The following EIF4H variants were observed in gnomAD, a reference collection of about 807,000 sequenced individuals.
EIF4H encodes eukaryotic translation initiation factor 4H.
In EIF4H, 8 loss-of-function variants were observed where a neutral mutation model predicts 30.6. That is an observed-to-expected ratio of 0.26 (90% CI 0.15 to 0.47). The LOEUF is 0.47. Ranked by LOEUF, EIF4H falls within the 20% of genes least tolerant of loss-of-function variation. The pLI, the probability that EIF4H is intolerant of heterozygous loss-of-function variation, is 0.99. For synonymous variants in EIF4H, 106 were observed against 122.7 expected (o/e 0.86, Z 0.90); for missense variants, 188 against 339.5 (o/e 0.55, Z 3.51).
chr7:74,190,734 G>A (rs1801187585), intron 5 of EIF4H, among the ~76,000 whole-genome samples: 1 of 152,064 alleles, frequency 6.6e-6, no homozygotes, highest in African/African-American at 2.4e-5. Context: ...ATTGTGGGGA[G>A]GTCCAGTCCC....
chr7:74,182,359 ATGTTACC>A (rs1563949348), intron 1 of EIF4H, among the ~76,000 whole-genome samples: 1 of 152,050 alleles, frequency 6.6e-6, no homozygotes, highest in Admixed American at 6.5e-5. Flanking sequence ...AAAAACCCAA[ATGTTACC>A]TGTTTGTAGA....
At chr7:74,190,777 CTT>C (rs1486364489) in intron 5 of EIF4H, among the ~76,000 whole-genome samples, 1 of 152,104 alleles carries the variant, frequency 6.6e-6, no homozygotes, top group Non-Finnish European at 1.5e-5. Context: ...TCGCCGTTCT[CTT>C]TCTTAGCCAA....
At position 74,184,826 on chromosome 7, in the gene EIF4H, G is replaced by A. The variant is rs1411732033; in HGVS notation, c.60-2785G>A. Among the ~76,000 whole-genome samples the A allele has an allele frequency of 2.6e-5, 4 of 152,188 alleles. No individual in the cohort carries two copies. In the South Asian group the frequency reaches 8.3e-4, roughly 32 times the overall value. ...CTCTGAAGTAGCTGGGATTACAAGT[G>A]TGTGCTACCACACCTGGCTAGTTTT... On this transcript the variant is annotated intron_variant, in intron 1 of 6. Coordinates refer to ENST00000265753, the MANE Select transcript of EIF4H (RefSeq NM_022170.2).
intron 1 of EIF4H, among the ~76,000 whole-genome samples, chr7:74,182,822 C>T (rs1213296385): frequency 6.6e-6 from 1 of 152,196 alleles, no homozygotes; most frequent in Non-Finnish European, 1.5e-5. Context: ...TTGACACCTA[C>T]AGATCTTTTC....
chr7:74,186,788 A>AATTTTT (rs1801089805), intron 1 of EIF4H, among the ~76,000 whole-genome samples: 3 of 70,118 alleles, frequency 4.3e-5, no homozygotes, highest in African/African-American at 4.9e-5. Context: ...ACAAGGAGAA[A>AATTTTT]TTTTTTTTTT....
chr7:74,188,715 G>A (rs1257094091), intron 2 of EIF4H, among the ~76,000 whole-genome samples: 1 of 152,196 alleles, frequency 6.6e-6, no homozygotes, highest in Non-Finnish European at 1.5e-5. Flanking sequence ...TTTGGGCTGG[G>A]TCAGTCGCTG....
chr7:74,182,955 C>T (rs1175706795), intron 1 of EIF4H, among the ~76,000 whole-genome samples: 5 of 152,184 alleles, frequency 3.3e-5, no homozygotes, highest in African/African-American at 1.2e-4. Context: ...TGAAACTGTT[C>T]TCATTGCTAT....
chr7:74,194,983 G>A, intron 6 of EIF4H, 105 bp downstream of exon 6: 1 of 1,508,096 alleles, frequency 6.6e-7, no homozygotes, highest in Non-Finnish European at 8.9e-7. Flanking sequence ...AGAGTTGTCG[G>A]CATAGATCCC....
intron 1 of EIF4H, among the ~76,000 whole-genome samples, chr7:74,185,933 AT>A (rs3081809): frequency 1.3e-5 from 2 of 151,554 alleles, no homozygotes; most frequent in Admixed American, 6.6e-5. Context: ...CACCCCCTTA[AT>A]TTTTTTTTCC....
At chr7:74,192,494 A>G in intron 5 of EIF4H, among the ~76,000 whole-genome samples, 1 of 151,862 alleles carries the variant, frequency 6.6e-6, no homozygotes, top group Non-Finnish European at 1.5e-5. Flanking sequence ...AACCCTTGCC[A>G]CCTTTAAAGA....
intron 1 of EIF4H, among the ~76,000 whole-genome samples, chr7:74,184,683 CTTTTTTGTTTGTTTTTTGTGT>C (rs1202322899): frequency 6.6e-6 from 1 of 151,424 alleles, no homozygotes; most frequent in Non-Finnish European, 1.5e-5. Flanking sequence ...GTTTTTTGTG[CTTTTTTGTTTGTTTTTTGTGT>C]TTTTTTGTTT....
intron 1 of EIF4H, among the ~76,000 whole-genome samples, chr7:74,181,588 C>T (rs1465269127): frequency 1.3e-5 from 2 of 151,300 alleles, no homozygotes; most frequent in Admixed American, 1.3e-4. Context: ...TGTGCCACCA[C>T]ACCTGGCAAA....
chr7:74,183,941 TGTAGAA>T (rs1481704396), intron 1 of EIF4H: 2 of 152,280 alleles, frequency 1.3e-5, no homozygotes, highest in Non-Finnish European at 2.9e-5. Context: ...GCTTAAGACC[TGTAGAA>T]GGGACTACAT....
At chr7:74,185,647 T>C (rs782260892) in intron 1 of EIF4H, among the ~76,000 whole-genome samples, 1 of 152,128 alleles carries the variant, frequency 6.6e-6, no homozygotes, top group Non-Finnish European at 1.5e-5. Flanking sequence ...ATGAATAATA[T>C]TTGTCTGCAA....
At chr7:74,191,051 C>G (rs1456884242) in intron 5 of EIF4H, 5 of 402,782 alleles carry the variant, frequency 1.2e-5, no homozygotes, top group Admixed American at 7.1e-5. Context: ...CACCCTCCCC[C>G]CATCAAAACA....
intron 5 of EIF4H, among the ~76,000 whole-genome samples, chr7:74,193,607 C>T (rs62475257): frequency 0.019 from 2,780 of 148,480 alleles, 59 homozygotes; most frequent in Middle Eastern, 0.038. Flanking sequence ...AACTTCTTTT[C>T]GCCAGTTTTT....
intron 6 of EIF4H, 44 bp from the exon 7 acceptor site, chr7:74,195,125 G>A (rs782465618): frequency 3.7e-5 from 60 of 1,602,242 alleles, no homozygotes; most frequent in Non-Finnish European, 4.9e-5. Context: ...GCTGGATATG[G>A]AATGGGATCC....
chr7:74,185,336 T>C (rs538853053), intron 1 of EIF4H, among the ~76,000 whole-genome samples: 1 of 152,308 alleles, frequency 6.6e-6, no homozygotes, highest in African/African-American at 2.4e-5. Context: ...CTAAATAGTA[T>C]CTTACTGAAA....
At chr7:74,174,786 C>T (rs1554707436) in intron 1 of EIF4H, among the ~76,000 whole-genome samples, 3 of 152,250 alleles carry the variant, frequency 2.0e-5, no homozygotes, top group African/African-American at 7.2e-5. Context: ...CAGTGCGGGG[C>T]TGAGCTGTGG....
Sources: gnomAD v4.1 joint callset for allele counts (sites outside exome capture counted in the v4.1 genomes callset) on GRCh38, gnomAD v4.1.1 for gene constraint, MANE v1.5 for transcripts, NCBI Gene and HGNC (gene_info 2026-07-23, HGNC 2026-07-21) for gene names.